The following CORO2B variants were observed in gnomAD, a reference collection of about 807,000 sequenced individuals.
The protein encoded by CORO2B is coronin-2B.
A neutral mutation model predicts 58.8 loss-of-function variants in CORO2B; 26 were observed. That is an observed-to-expected ratio of 0.44 (90% CI 0.32 to 0.61). The LOEUF (loss-of-function observed/expected upper bound fraction) is 0.61. Among genes scored for constraint, CORO2B ranks in the 20% least tolerant of loss-of-function variants. The pLI is 0.04. For synonymous variants in CORO2B, 242 were observed against 253.8 expected (o/e 0.95, Z 0.44); for missense variants, 460 against 645.1 (o/e 0.71, Z 3.11).
chr15:68,718,844 G>T (rs1275452949), intron 9 of CORO2B, 34 bp downstream of exon 9: 1 of 1,529,608 alleles, frequency 6.5e-7, no homozygotes, highest in Non-Finnish European at 9.0e-7. Context: ...CAGGAGGGGG[G>T]CCTGCATCGC....
chr15:68,689,042 C>T (rs961689525), intron 2 of CORO2B, among the ~76,000 whole-genome samples: 1 of 152,060 alleles, frequency 6.6e-6, no homozygotes, highest in Non-Finnish European at 1.5e-5. Flanking sequence ...TGATCCCCAG[C>T]CCCGAGCTCT....
chr15:68,580,254 G>A (rs1183355602), intron 1 of CORO2B, among the ~76,000 whole-genome samples: 1 of 152,340 alleles, frequency 6.6e-6, no homozygotes, highest in African/African-American at 2.4e-5. Flanking sequence ...ACAGTCTGGC[G>A]GTGGCCTCGG....
intron 1 of CORO2B, among the ~76,000 whole-genome samples, chr15:68,603,166 G>A (rs1900025110): frequency 6.6e-6 from 1 of 152,136 alleles, no homozygotes; most frequent in African/African-American, 2.4e-5. Context: ...ATGCAGAATT[G>A]TCCACTGTGT....
intron 1 of CORO2B, 148 bp downstream of exon 1, chr15:68,579,425 T>G: frequency 1.2e-6 from 1 of 824,926 alleles, no homozygotes; most frequent in Non-Finnish European, 1.5e-6. Flanking sequence ...CCGGATCCGC[T>G]CGAGTCACTC....
chr15:68,694,730 G>A lies in CORO2B; in HGVS notation c.217-410G>A, dbSNP rs7180458. Reference sequence around the variant, plus strand: ...GGGAGAGTAGGTACACCCAGCATCTGAGCGTGCGTGAACAAGGCAGATCGT... The same window carrying A: ...GGGAGAGTAGGTACACCCAGCATCTAAGCGTGCGTGAACAAGGCAGATCGT... On this transcript the variant is annotated intron_variant, in intron 2 of 11. Coordinates refer to ENST00000261861, the MANE Select transcript of CORO2B (RefSeq NM_006091.5). Among the ~76,000 whole-genome samples, 1,454 of 152,318 alleles carry A rather than the reference G, an allele frequency of 9.5e-3. 30 individuals are homozygous for A. Among genetic ancestry groups the A allele is most frequent in the African/African-American group, 0.033 (1,355 of 41,562 alleles).
intron 1 of CORO2B, among the ~76,000 whole-genome samples, chr15:68,634,777 T>C (rs1900973996): frequency 6.6e-6 from 1 of 152,228 alleles, no homozygotes; most frequent in Non-Finnish European, 1.5e-5. Context: ...TGGAGAGTGA[T>C]ACCCAACTGA....
chr15:68,627,973 C>G (rs987170622), intron 1 of CORO2B, among the ~76,000 whole-genome samples: 2 of 152,170 alleles, frequency 1.3e-5, no homozygotes, highest in Non-Finnish European at 2.9e-5. Flanking sequence ...TCTTCCCTCC[C>G]TGCCCCCAAA....
At chr15:68,614,511 T>G (rs1900307841) in intron 1 of CORO2B, among the ~76,000 whole-genome samples, 1 of 152,158 alleles carries the variant, frequency 6.6e-6, no homozygotes, top group African/African-American at 2.4e-5. Context: ...TACCAGACCC[T>G]GCCAAGTCAG....
At chr15:68,659,111 C>T (rs138211516) in intron 2 of CORO2B, among the ~76,000 whole-genome samples, 18 of 152,316 alleles carry the variant, frequency 1.2e-4, no homozygotes, top group African/African-American at 3.4e-4. Flanking sequence ...CTGCAGTGGA[C>T]GGTCTGCCTT....
At chr15:68,598,617 G>A (rs745944390) in intron 1 of CORO2B, among the ~76,000 whole-genome samples, 3 of 152,170 alleles carry the variant, frequency 2.0e-5, no homozygotes, top group African/African-American at 4.8e-5. Flanking sequence ...CCTGGAGCCC[G>A]CTTGGCCTTG....
In CORO2B at chr15:68,711,497, C is replaced by A. The variant is rs776132026; in HGVS notation, c.484-45C>A. 3.8e-6 allele frequency: 6 copies of A among 1,572,250 alleles called. No individual in the cohort carries two copies. The African/African-American group carries it at 8.1e-5, about 21-fold the overall frequency. Reference sequence around the variant, plus strand: ...TGCACTGGGGACAAACACCCCAGGACCCTAGCAGCCACTGACCCTGCCTCC... The same window carrying A: ...TGCACTGGGGACAAACACCCCAGGAACCTAGCAGCCACTGACCCTGCCTCC... On this transcript the variant is annotated intron_variant, in intron 4 of 11. Coordinates refer to ENST00000261861, the MANE Select transcript of CORO2B (RefSeq NM_006091.5).
chr15:68,641,764 G>A (rs756885827), intron 1 of CORO2B, among the ~76,000 whole-genome samples: 41 of 152,038 alleles, frequency 2.7e-4, no homozygotes, highest in Non-Finnish European at 4.9e-4. Context: ...CGGCACTGTC[G>A]CCCAGGTGGT....
chr15:68,574,958 T>C (rs1899251978), upstream of CORO2B, among the ~76,000 whole-genome samples: 1 of 152,198 alleles, frequency 6.6e-6, no homozygotes, highest in African/African-American at 2.4e-5. Flanking sequence ...CCAGAACTAA[T>C]ACTGCAACGT....
At chr15:68,570,700 A>G in the CORO2B span, among the ~76,000 whole-genome samples, 1 of 149,206 alleles carries the variant, frequency 6.7e-6, no homozygotes, top group Non-Finnish European at 1.5e-5. Context: ...TAGTCAGTGT[A>G]TTTCCCTTAG....
chr15:68,564,429 G>T, the CORO2B span, among the ~76,000 whole-genome samples: 1 of 151,716 alleles, frequency 6.6e-6, no homozygotes, highest in African/African-American at 2.4e-5. Flanking sequence ...TCAGCCTCTC[G>T]AGTAGCTGGG....
chr15:68,659,941 C>A (rs1008065266), intron 2 of CORO2B, among the ~76,000 whole-genome samples: 6 of 152,136 alleles, frequency 3.9e-5, no homozygotes, highest in Admixed American at 3.9e-4. Context: ...CTATCCTCAT[C>A]TTCATGCTGA....
intron 3 of CORO2B, among the ~76,000 whole-genome samples, chr15:68,697,335 T>C (rs980080343): frequency 6.6e-6 from 1 of 152,030 alleles, no homozygotes; most frequent in African/African-American, 2.4e-5. Flanking sequence ...GATAAGTAAA[T>C]AGATGACTGT....
intron 1 of CORO2B, among the ~76,000 whole-genome samples, chr15:68,627,162 ATTAC>A (rs1900705717): frequency 6.6e-6 from 1 of 152,186 alleles, no homozygotes; most frequent in Non-Finnish European, 1.5e-5. Flanking sequence ...TTCTAAACGT[ATTAC>A]TTATAAAATT....
At chr15:68,670,818 G>T (rs1284893531) in intron 2 of CORO2B, among the ~76,000 whole-genome samples, 1 of 152,194 alleles carries the variant, frequency 6.6e-6, no homozygotes, top group Non-Finnish European at 1.5e-5. Flanking sequence ...TGCTGTCAGG[G>T]TTATAGGGAA....
Sources: allele counts gnomAD v4.1 joint callset (sites outside exome capture counted in the v4.1 genomes callset), GRCh38; gene constraint gnomAD v4.1.1; transcripts MANE v1.5; gene names NCBI Gene and HGNC (gene_info 2026-07-23, HGNC 2026-07-21).